KIF16B: variants seen among roughly 807,000 people sequenced by gnomAD.
KIF16B encodes the protein kinesin family member 16B, also known as kinesin-like protein KIF16B.
In KIF16B, 98 loss-of-function variants were observed where a neutral mutation model predicts 156.3. The observed-to-expected ratio is 0.63, with a 90% CI of 0.53 to 0.74. KIF16B has a LOEUF of 0.74. KIF16B is among the 30% of genes least tolerant of loss of function. The pLI is 0.00. For synonymous variants in KIF16B, 564 were observed against 583.7 expected (o/e 0.97, Z 0.49); for missense variants, 1,421 against 1,606.5 (o/e 0.88, Z 1.97).
intron 1 of KIF16B, among the ~76,000 whole-genome samples, chr20:16,561,252 C>G (rs747315177): frequency 6.6e-6 from 1 of 152,078 alleles, no homozygotes; most frequent in African/African-American, 2.4e-5. Flanking sequence ...AGAGATGGAG[C>G]TGCTGCACTC....
rs1473421620 is a variant in KIF16B, at chr20:16,443,933, TGGTCCATTAATAGAAAA to T, written c.1303-13968_1303-13952del. Among the ~76,000 whole-genome samples, 12 of 152,254 alleles carry T rather than the reference TGGTCCATTAATAGAAAA, an allele frequency of 7.9e-5. No individual in the cohort carries two copies. The East Asian group carries it at 2.3e-3, about 29-fold the overall frequency. ...ACAAAATAAATTGTGTTTGCTGATC[TGGTCCATTAATAGAAAA>T]GCAGTAAACCAAATACAATGTAACG... On this transcript the variant is annotated intron_variant, in intron 12 of 25. Coordinates refer to ENST00000354981, the MANE Select transcript of KIF16B (RefSeq NM_024704.5).
chr20:16,402,577 C>A (rs1280481697), intron 17 of KIF16B, among the ~76,000 whole-genome samples: 1 of 152,198 alleles, frequency 6.6e-6, no homozygotes, highest in Non-Finnish European at 1.5e-5. Flanking sequence ...TTTGTCTGTA[C>A]TATGCCCTGG....
chr20:16,561,352 C>T (rs2071055150), intron 1 of KIF16B, among the ~76,000 whole-genome samples: 1 of 152,150 alleles, frequency 6.6e-6, no homozygotes, highest in Non-Finnish European at 1.5e-5. Flanking sequence ...GAATGTCTTA[C>T]TGTGGATCTT....
chr20:16,457,642 T>C (rs553410850), intron 12 of KIF16B, among the ~76,000 whole-genome samples: 30 of 152,112 alleles, frequency 2.0e-4, no homozygotes, highest in Non-Finnish European at 3.4e-4. Flanking sequence ...CCTTGTCTTG[T>C]GCGGAGAATG....
In KIF16B at chr20:16,379,643, C is replaced by G; in HGVS notation, c.2359G>C (p.Val787Leu). The G allele has an allele frequency of 6.2e-7, 1 of 1,614,150 alleles. No individual in the cohort carries two copies. Among genetic ancestry groups the G allele is most frequent in the Non-Finnish European group, 8.5e-7 (1 of 1,180,028 alleles). ...TCCAGGTCCCTCTTCTCCTCTTCCA[C>G]CCACTGTACCTCCCCACGCCGCAGG... ...QLLRRGEVQWVEEEKRDLEGI... is the reference protein window; with the variant it reads ...QLLRRGEVQWLEEEKRDLEGI... The change falls in exon 19 of 26, where the codon GTG becomes CTG. Residue 787 changes from valine to leucine, a missense_variant. By Grantham distance (32) the Val-to-Leu change is conservative. Coordinates refer to ENST00000354981, the MANE Select transcript of KIF16B (RefSeq NM_024704.5).
chr20:16,331,918 G>T (rs369549827), intron 24 of KIF16B, among the ~76,000 whole-genome samples: 38 of 152,272 alleles, frequency 2.5e-4, no homozygotes, highest in African/African-American at 7.0e-4. Context: ...AATAAACATT[G>T]ATCTCAAGTC....
At chr20:16,291,044 A>C (rs6043868) in intron 25 of KIF16B, among the ~76,000 whole-genome samples, 5,382 of 152,364 alleles carry the variant, frequency 0.035, 106 homozygotes, top group African/African-American at 0.041. Flanking sequence ...TACATTGAAT[A>C]CATGTACATC....
intron 12 of KIF16B, among the ~76,000 whole-genome samples, chr20:16,458,726 G>A (rs1480383780): frequency 2.0e-5 from 3 of 151,764 alleles, no homozygotes; most frequent in Non-Finnish European, 4.4e-5. Flanking sequence ...GATGGAAAGA[G>A]GGAATCCATG....
At chr20:16,495,112 C>A (rs540917920) in intron 11 of KIF16B, among the ~76,000 whole-genome samples, 33 of 152,222 alleles carry the variant, frequency 2.2e-4, no homozygotes, top group African/African-American at 7.5e-4. Flanking sequence ...ATGAAAAATG[C>A]GTTCTGTGGA....
intron 12 of KIF16B, among the ~76,000 whole-genome samples, chr20:16,476,241 A>AAT (rs77212205): frequency 0.077 from 11,717 of 152,196 alleles, 622 homozygotes; most frequent in Non-Finnish European, 0.11. Context: ...ATAAAACAGG[A>AAT]ATATATATAT....
intron 3 of KIF16B, 107 bp downstream of exon 3, chr20:16,525,985 T>A (rs1167996985): frequency 1.6e-6 from 1 of 611,780 alleles, no homozygotes; most frequent in East Asian, 2.9e-5. Flanking sequence ...TATACAAAAA[T>A]TACATTCAGA....
chr20:16,509,936 G>A (rs979988213), intron 6 of KIF16B, among the ~76,000 whole-genome samples: 5 of 151,866 alleles, frequency 3.3e-5, no homozygotes, highest in South Asian at 4.2e-4. Context: ...ATTAACCCAC[G>A]GATTTTTATA....
intron 3 of KIF16B, among the ~76,000 whole-genome samples, chr20:16,517,869 AAG>A (rs2069195103): frequency 2.0e-5 from 3 of 152,296 alleles, no homozygotes; most frequent in Admixed American, 2.0e-4. Context: ...TCAAAGAATA[AAG>A]AAGGACTGTT....
chr20:16,477,187 G>GTTTTT (rs1568580585), intron 12 of KIF16B, among the ~76,000 whole-genome samples: 2 of 100,048 alleles, frequency 2.0e-5, no homozygotes, highest in African/African-American at 5.3e-5. Flanking sequence ...TTTCCTTGTG[G>GTTTTT]GTTTTTTTTT....
At chr20:16,400,471 A>T (rs1180397190) in intron 17 of KIF16B, among the ~76,000 whole-genome samples, 1 of 152,190 alleles carries the variant, frequency 6.6e-6, no homozygotes, top group African/African-American at 2.4e-5. Context: ...AAAATTAAAA[A>T]TAGGGCTGCC....
At chr20:16,444,627 A>G (rs1275895850) in intron 12 of KIF16B, among the ~76,000 whole-genome samples, 2 of 152,230 alleles carry the variant, frequency 1.3e-5, no homozygotes, top group Non-Finnish European at 2.9e-5. Flanking sequence ...TTATGCATAC[A>G]TGTTCACTGA....
chr20:16,323,056 G>A (rs112501830), intron 24 of KIF16B, among the ~76,000 whole-genome samples: 2 of 151,960 alleles, frequency 1.3e-5, no homozygotes, highest in African/African-American at 2.4e-5. Flanking sequence ...ATCACTGAAA[G>A]GAAATTGAGA....
chr20:16,397,921 G>A (rs565335438), intron 17 of KIF16B, among the ~76,000 whole-genome samples: 74 of 152,366 alleles, frequency 4.9e-4, no homozygotes, highest in Middle Eastern at 3.4e-3. Flanking sequence ...AAAACCTACA[G>A]CTCAATGAAT....
intron 25 of KIF16B, among the ~76,000 whole-genome samples, chr20:16,309,796 C>T (rs1054447388): frequency 2.6e-5 from 4 of 152,268 alleles, no homozygotes; most frequent in Admixed American, 2.6e-4. Flanking sequence ...ATGTGTCCTA[C>T]TTGAATCCAT....
Sources: gnomAD v4.1 joint callset for allele counts (sites outside exome capture counted in the v4.1 genomes callset) on GRCh38, gnomAD v4.1.1 for gene constraint, MANE v1.5 for transcripts, NCBI Gene and HGNC (gene_info 2026-07-23, HGNC 2026-07-21) for gene names.